Variants in PSMA1 observed in about 807,000 individuals in gnomAD.
PSMA1 encodes proteasome 20S subunit alpha 1.
PSMA1 carries 3 observed loss-of-function variants against 38.4 expected under a neutral mutation model. The observed-to-expected ratio is 0.08, with a 90% CI of 0.04 to 0.20. The LOEUF is 0.20. Ranked by LOEUF, PSMA1 falls within the 10% of genes least tolerant of loss-of-function variation. PSMA1 has a pLI of 1.00. For synonymous variants in PSMA1, 101 were observed against 107.1 expected, an observed-to-expected ratio of 0.94 and a Z score of 0.35; for missense variants, 227 against 325.3, an observed-to-expected ratio of 0.70 and a Z score of 2.32.
chr11:14,577,931 C>T (rs1272046164), intron 2 of PSMA1, among the ~76,000 whole-genome samples: 1 of 152,188 alleles, frequency 6.6e-6, no homozygotes, highest in African/African-American at 2.4e-5. Context: ...GAAAGAGCCT[C>T]TAACATGATT....
At position 14,534,522 on chromosome 11, in the gene PSMA1, T is replaced by C. The variant is rs1192276333; in HGVS notation, c.22-15481A>G. Among the ~76,000 whole-genome samples the C allele has an allele frequency of 6.6e-6, 1 of 152,194 alleles. No individual in the cohort carries two copies. The highest frequency in any genetic ancestry group is 1.5e-5 in the Non-Finnish European group (1 of 68,036). The stretch of plus-strand genomic sequence containing the variant: ...ATTTTTAGGACAGGCTTTTGCTCTG[T>C]TGCCCAGGCTGGAGTGCAGTGGTGT... On this transcript the variant is annotated intron_variant, in intron 2 of 10. Coordinates refer to the PSMA1 transcript ENST00000418988. This position sits in a 1 kb window ranked among gnomAD's most constrained non-coding sequence, Gnocchi z 4.5.
chr11:14,584,509 T>TG (rs1301918411), intron 2 of PSMA1, among the ~76,000 whole-genome samples: 6 of 139,920 alleles, frequency 4.3e-5, no homozygotes, highest in African/African-American at 1.1e-4. Context: ...TGTTTTTTGT[T>TG]TTTTTTTTTT....
At chr11:14,528,971 G>T (rs747641152) in intron 2 of PSMA1, among the ~76,000 whole-genome samples, 1 of 151,706 alleles carries the variant, frequency 6.6e-6, no homozygotes, top group African/African-American at 2.4e-5. Context: ...CTCTCTTTTC[G>T]GACTCAGCCC....
chr11:14,546,321 C>T (rs1460571896), intron 2 of PSMA1, among the ~76,000 whole-genome samples: 1 of 152,068 alleles, frequency 6.6e-6, no homozygotes, highest in Non-Finnish European at 1.5e-5. Context: ...CACCCTGCCC[C>T]CCAACAACAC....
At chr11:14,521,345 G>A (rs1589981848), upstream of PSMA1, among the ~76,000 whole-genome samples, 2 of 118,442 alleles carry the variant, frequency 1.7e-5, 1 homozygote, top group Non-Finnish European at 3.7e-5. Context: ...AAAAAAAAAA[G>A]GCTGGGCATG....
At chr11:14,518,062 A>G in intron 2 of PSMA1, 81 bp from the exon 3 acceptor site, 1 of 1,023,318 alleles carries the variant, frequency 9.8e-7, no homozygotes, top group Non-Finnish European at 1.4e-6. Flanking sequence ...ATATCAGGTG[A>G]GCACAGTTAA....
chr11:14,520,106 G>A (rs764975101), intron 1 of PSMA1, 191 bp downstream of exon 1: 19 of 841,120 alleles, frequency 2.3e-5, no homozygotes, highest in Non-Finnish European at 3.6e-5. Context: ...TGGAAAGGCC[G>A]CACTGGCTAC....
chr11:14,507,848 C>G (rs1483847462), intron 8 of PSMA1, 82 bp from the exon 9 acceptor site: 1 of 946,468 alleles, frequency 1.1e-6, no homozygotes, highest in Admixed American at 2.3e-5. Flanking sequence ...GTGAAAAAAG[C>G]AGAATAAGAA....
chr11:14,633,760 T>G (rs1853070142), intron 1 of PSMA1, among the ~76,000 whole-genome samples: 1 of 152,118 alleles, frequency 6.6e-6, no homozygotes, highest in Non-Finnish European at 1.5e-5. Flanking sequence ...TGCAGTTTGA[T>G]CTCAGACTGC....
upstream of PSMA1, among the ~76,000 whole-genome samples, chr11:14,522,506 CTG>C (rs1851541976): frequency 6.6e-6 from 1 of 152,130 alleles, no homozygotes; most frequent in African/African-American, 2.4e-5. Flanking sequence ...TCAGTTTTCT[CTG>C]TATTCTTACC....
intron 2 of PSMA1, among the ~76,000 whole-genome samples, chr11:14,591,538 G>A (rs577765394): frequency 4.6e-5 from 7 of 152,308 alleles, no homozygotes; most frequent in South Asian, 2.1e-4. Context: ...TGAGTCTGGC[G>A]GGGCCTTGGA....
chr11:14,532,092 G>A (rs368792775), intron 2 of PSMA1, among the ~76,000 whole-genome samples: 7 of 145,938 alleles, frequency 4.8e-5, no homozygotes, highest in South Asian at 2.2e-4. Flanking sequence ...TCAGGGTACA[G>A]GAGTTATCCA....
intron 2 of PSMA1, among the ~76,000 whole-genome samples, chr11:14,588,029 C>G (rs1852369393): frequency 6.6e-6 from 1 of 152,164 alleles, no homozygotes; most frequent in Non-Finnish European, 1.5e-5. Context: ...AAATACAGCC[C>G]TTGCCTTTAA....
chr11:14,582,049 G>A (rs1852287736), intron 2 of PSMA1, among the ~76,000 whole-genome samples: 1 of 152,056 alleles, frequency 6.6e-6, no homozygotes, highest in Non-Finnish European at 1.5e-5. Context: ...TTCCACAAAG[G>A]CAAATCAAGG....
At chr11:14,616,527 C>A (rs369990353) in intron 1 of PSMA1, among the ~76,000 whole-genome samples, 2 of 151,930 alleles carry the variant, frequency 1.3e-5, no homozygotes, top group Admixed American at 6.6e-5. Context: ...CCACTGTGCC[C>A]GATCAGATCC....
At chr11:14,565,785 CA>C (rs1455178994) in intron 2 of PSMA1, among the ~76,000 whole-genome samples, 1 of 152,116 alleles carries the variant, frequency 6.6e-6, no homozygotes, top group Non-Finnish European at 1.5e-5. Context: ...AGTGCAAGAA[CA>C]AAAGGTAAAG....
chr11:14,521,603 T>C (rs1011147144), upstream of PSMA1, among the ~76,000 whole-genome samples: 1 of 150,570 alleles, frequency 6.6e-6, no homozygotes, highest in African/African-American at 2.4e-5. Context: ...GCCAACATGG[T>C]AAAACCCCGT....
chr11:14,595,828 C>T (rs1053901792), intron 2 of PSMA1, among the ~76,000 whole-genome samples: 1 of 152,170 alleles, frequency 6.6e-6, no homozygotes, highest in African/African-American at 2.4e-5. Context: ...ATGCCTATGT[C>T]CTGAATGGTA....
At chr11:14,564,205 C>G (rs181197276) in intron 2 of PSMA1, among the ~76,000 whole-genome samples, 205 of 152,264 alleles carry the variant, frequency 1.3e-3, no homozygotes, top group African/African-American at 4.5e-3. Context: ...CCTACCCCCC[C>G]ACCCCACCTA....
Sources: allele counts gnomAD v4.1 joint callset (sites outside exome capture counted in the v4.1 genomes callset), GRCh38; gene constraint gnomAD v4.1.1; non-coding constraint Gnocchi (gnomAD v3.1); transcripts MANE v1.5; gene names NCBI Gene and HGNC (gene_info 2026-07-23, HGNC 2026-07-21).